The following MAX variants were observed in gnomAD, a reference collection of about 807,000 sequenced individuals.
MAX encodes MYC associated transcriptional regulator X.
In MAX, 3 loss-of-function variants were observed where a neutral mutation model predicts 22.3. The observed-to-expected ratio is 0.13, with a 90% CI of 0.06 to 0.35. MAX has a LOEUF of 0.35. MAX is among the 10% of genes least tolerant of loss of function. The pLI, the probability that MAX is intolerant of heterozygous loss-of-function variation, is 1.00. For missense variants in MAX, 119 were observed against 209.4 expected, an observed-to-expected ratio of 0.57 and a Z score of 2.66; for synonymous variants, 72 against 77.7, an observed-to-expected ratio of 0.93 and a Z score of 0.39.
At chr14:65,098,155 C>A (rs984039898) in intron 2 of MAX, among the ~76,000 whole-genome samples, 1 of 152,200 alleles carries the variant, frequency 6.6e-6, no homozygotes, top group Admixed American at 6.5e-5. Flanking sequence ...AACTTTTACC[C>A]TAACACAGGC....
At chr14:65,022,124 G>C (rs913783948) in intron 3 of MAX, 13 of 454,316 alleles carry the variant, frequency 2.9e-5, no homozygotes, top group Non-Finnish European at 5.3e-5. Context: ...ACCTAGGGAA[G>C]GAGATTTCCT....
chr14:65,033,409 A>G (rs1327792329), intron 3 of MAX, among the ~76,000 whole-genome samples: 1 of 152,260 alleles, frequency 6.6e-6, no homozygotes. Context: ...GAGCAAAGGA[A>G]ATGAGATAAG....
chr14:65,085,163 A>G (rs1382545195), intron 3 of MAX, among the ~76,000 whole-genome samples: 2 of 152,210 alleles, frequency 1.3e-5, no homozygotes, highest in African/African-American at 2.4e-5. Context: ...TTACTTTTGA[A>G]TATTAGGCTA....
chr14:65,056,467 C>T (rs1419767974), intron 3 of MAX, among the ~76,000 whole-genome samples: 1 of 152,126 alleles, frequency 6.6e-6, no homozygotes, highest in African/African-American at 2.4e-5. Flanking sequence ...TAACTGCTCC[C>T]CAGTGTGGTT....
At position 65,009,810 on chromosome 14, in the gene MAX, G is replaced by A. The variant is rs2061656153; in HGVS notation, c.172-3526C>T. 1.3e-5 allele frequency among the ~76,000 whole-genome samples: 2 copies of A among 152,042 alleles called. 1 individual carries two copies. Among genetic ancestry groups the A allele is most frequent in the South Asian group, 4.2e-4 (2 of 4,808 alleles). On this transcript the variant is annotated intron_variant, in intron 3 of 3. Coordinates refer to the MAX transcript ENST00000341653. The surrounding 1 kb of genome is among the most constrained non-coding windows in gnomAD (Gnocchi z 4.2). Reference sequence around the variant, plus strand: ...CCTTAAACTCAATGCTCTTCCCTTTGGGAAGAGTTTTCTGACCCTCCATCT... The same window carrying A: ...CCTTAAACTCAATGCTCTTCCCTTTAGGAAGAGTTTTCTGACCCTCCATCT...
intron 3 of MAX, among the ~76,000 whole-genome samples, chr14:65,092,758 T>C (rs538466508): frequency 6.6e-6 from 1 of 152,302 alleles, no homozygotes; most frequent in African/African-American, 2.4e-5. Context: ...AATGAAAGCA[T>C]AAGGGTTCCA....
chr14:65,015,581 G>T (rs780146704), intron 3 of MAX: 1 of 1,608,866 alleles, frequency 6.2e-7, no homozygotes, highest in South Asian at 1.1e-5. Context: ...GTGTCTTGGA[G>T]TGATTGTGAA....
At position 65,029,368 on chromosome 14, in the gene MAX, A is replaced by T. The variant is rs1283697827; in HGVS notation, c.172-23084T>A. On this transcript the variant is annotated intron_variant, in intron 3 of 3. Coordinates refer to the MAX transcript ENST00000341653. This position sits in a 1 kb window ranked among gnomAD's most constrained non-coding sequence, Gnocchi z 4.7. ...TGGATTTGACTTGGAGAAAAGCAGC[A>T]GTGATGGGAGAGTTTGACATCTGGA... is the stretch of plus-strand genomic sequence containing the variant. 6.6e-6 allele frequency among the ~76,000 whole-genome samples: 1 copy of T among 152,218 alleles called. No homozygotes were observed. The highest frequency in any genetic ancestry group is 2.4e-5 in the African/African-American group (1 of 41,460).
At chr14:65,089,573 G>A (rs2063438573) in intron 3 of MAX, among the ~76,000 whole-genome samples, 1 of 151,662 alleles carries the variant, frequency 6.6e-6, no homozygotes, top group Non-Finnish European at 1.5e-5. Flanking sequence ...TAATCATTCT[G>A]GCTCAGGTAC....
intron 3 of MAX, chr14:65,090,276 T>G (rs1385870661): frequency 2.0e-5 from 3 of 152,046 alleles, no homozygotes; most frequent in Non-Finnish European, 4.4e-5. Flanking sequence ...CTTACACATA[T>G]GGTATAGGAA....
intron 3 of MAX, among the ~76,000 whole-genome samples, chr14:65,008,364 C>T (rs1357835252): frequency 6.6e-6 from 1 of 152,232 alleles, no homozygotes; most frequent in Non-Finnish European, 1.5e-5. Flanking sequence ...GCAGCAGTAT[C>T]TAGAGAGTCT....
intron 3 of MAX, among the ~76,000 whole-genome samples, chr14:65,025,191 T>C (rs569582836): frequency 1.3e-5 from 2 of 152,282 alleles, no homozygotes; most frequent in African/African-American, 4.8e-5. Flanking sequence ...GGAGGGATGG[T>C]ATCAAGGTGT....
chr14:65,032,772 A>C lies in MAX; in HGVS notation c.172-26488T>G. 7.1e-7 allele frequency: 1 copy of C among 1,405,850 alleles called. No individual in the cohort carries two copies. The highest frequency in any genetic ancestry group is 9.7e-7 in the Non-Finnish European group (1 of 1,034,366). The allele number at this position is 1,405,850 out of a possible 1,614,324, so 87.1% of individuals were successfully genotyped here. ...ACACTACTTCAGAAAAATAAAGAAAATGCAGAGGGACTTGGAAGGAAATAC... is the reference window on the plus strand; with the variant it reads ...ACACTACTTCAGAAAAATAAAGAAACTGCAGAGGGACTTGGAAGGAAATAC... On this transcript the variant is annotated intron_variant, in intron 3 of 3. Transcript: ENST00000341653. This position sits in a 1 kb window ranked among gnomAD's most constrained non-coding sequence, Gnocchi z 5.0.
chr14:65,029,211 C>T lies in MAX; in HGVS notation c.172-22927G>A, dbSNP rs2062036614. Among the ~76,000 whole-genome samples, 1 of 152,210 alleles carries T rather than the reference C, an allele frequency of 6.6e-6. No homozygotes were observed. Among genetic ancestry groups the T allele is most frequent in the African/African-American group, 2.4e-5 (1 of 41,462 alleles). ...TAAAGATATGAATGATAGAGAAAAG[C>T]TAGCAGATTGCATCCATTTTCCTTG... is the stretch of plus-strand genomic sequence containing the variant. On this transcript the variant is annotated intron_variant, in intron 3 of 3. Coordinates refer to the MAX transcript ENST00000341653. The surrounding 1 kb of genome is among the most constrained non-coding windows in gnomAD (Gnocchi z 4.7).
At chr14:65,100,200 C>T (rs924807955) in intron 2 of MAX, among the ~76,000 whole-genome samples, 3 of 152,074 alleles carry the variant, frequency 2.0e-5, no homozygotes, top group African/African-American at 7.2e-5. Context: ...GCCTGTAATC[C>T]CAGCACTTTG....
At chr14:65,039,506 G>A (rs1476568773) in intron 3 of MAX, among the ~76,000 whole-genome samples, 4 of 152,156 alleles carry the variant, frequency 2.6e-5, no homozygotes, top group Admixed American at 6.6e-5. Flanking sequence ...TGGTTCAGAC[G>A]CATTCCACTT....
intron 3 of MAX, among the ~76,000 whole-genome samples, chr14:65,040,479 C>G (rs1230333839): frequency 1.3e-5 from 2 of 151,920 alleles, no homozygotes; most frequent in Non-Finnish European, 2.9e-5. Context: ...CTCACTCTTT[C>G]ACCCGGGCTG....
Position 65,084,827 on chromosome 14 carries a change from A to C in MAX, c.172-6791T>G, listed in dbSNP as rs561832162. ...AGACCAGGAAGGAATACACAAATTG[A>C]TAACACTATATTTCCTTGCTTGTTA... On this transcript the variant is annotated intron_variant, in intron 3 of 4. Transcript: ENST00000358664. This position sits in a 1 kb window ranked among gnomAD's most constrained non-coding sequence, Gnocchi z 4.3. Among the ~76,000 whole-genome samples the C allele has an allele frequency of 6.6e-6, 1 of 152,216 alleles. No individual in the cohort carries two copies. Among genetic ancestry groups the C allele is most frequent in the Non-Finnish European group, 1.5e-5 (1 of 68,040 alleles).
In MAX at chr14:65,101,585, AG is replaced by A. The variant is rs1595188029; in HGVS notation, c.37-14del. The A allele has an allele frequency of 3.2e-5, 50 of 1,576,028 alleles. No individual in the cohort carries two copies. The highest frequency in any genetic ancestry group is 3.7e-5 in the Non-Finnish European group (43 of 1,149,910). On this transcript the variant is annotated splice_polypyrimidine_tract_variant and intron_variant, in intron 1 of 4. Coordinates refer to ENST00000358664, the MANE Select transcript of MAX (RefSeq NM_002382.5). ...TCGGTTGCTCTTCCTGGAATAAGAG[AG>A]AAAAAAAAAAATAGAAAATATAGAA...
Sources: gnomAD v4.1 joint callset for allele counts (sites outside exome capture counted in the v4.1 genomes callset) on GRCh38, gnomAD v4.1.1 for gene constraint, Gnocchi (gnomAD v3.1) non-coding constraint, MANE v1.5 for transcripts, NCBI Gene and HGNC (gene_info 2026-07-23, HGNC 2026-07-21) for gene names.